The following LRMDA variants were observed in gnomAD, a reference collection of about 807,000 sequenced individuals.
The protein encoded by LRMDA is leucine rich melanocyte differentiation associated.
LRMDA carries 18 observed loss-of-function variants against 29.8 expected under a neutral mutation model. That is an observed-to-expected ratio of 0.60 (90% CI 0.42 to 0.90). The LOEUF is 0.90. Ranked by LOEUF, LRMDA falls within the 40% of genes least tolerant of loss-of-function variation. The probability of loss-of-function intolerance (pLI) is 0.00; values close to 1 mark genes in which losing one functional copy is unlikely to be tolerated. For synonymous variants in LRMDA, 125 were observed against 109.4 expected (o/e 1.14, Z -0.89); for missense variants, 273 against 273.9 (o/e 1.00, Z 0.02).
intron 2 of LRMDA, among the ~76,000 whole-genome samples, chr10:75,762,748 C>T (rs978878478): frequency 2.0e-5 from 3 of 152,176 alleles, no homozygotes; most frequent in African/African-American, 7.2e-5. Context: ...TTTAGAATCC[C>T]TGGCCTCATA....
At chr10:75,749,774 CG>C (rs1842931887) in intron 2 of LRMDA, among the ~76,000 whole-genome samples, 2 of 152,038 alleles carry the variant, frequency 1.3e-5, no homozygotes, top group Admixed American at 6.5e-5. Flanking sequence ...GAGGACCCTG[CG>C]GCCTTCCGCA....
chr10:75,832,667 C>A (rs1844365705), intron 2 of LRMDA, among the ~76,000 whole-genome samples: 1 of 152,166 alleles, frequency 6.6e-6, no homozygotes. Context: ...TGAGACTGGG[C>A]AACGTACAAA....
chr10:76,203,637 G>T (rs1053762512), intron 5 of LRMDA, among the ~76,000 whole-genome samples: 1 of 151,966 alleles, frequency 6.6e-6, no homozygotes, highest in Non-Finnish European at 1.5e-5. Context: ...TAGGGATTGT[G>T]CCACCCATCT....
At chr10:75,871,273 T>C (rs1416769601) in intron 2 of LRMDA, among the ~76,000 whole-genome samples, 1 of 152,154 alleles carries the variant, frequency 6.6e-6, no homozygotes, top group African/African-American at 2.4e-5. Context: ...GCTGATGGTG[T>C]CTCACAAGTT....
chr10:75,761,162 G>A (rs1381912883), intron 2 of LRMDA, among the ~76,000 whole-genome samples: 1 of 152,140 alleles, frequency 6.6e-6, no homozygotes, highest in Non-Finnish European at 1.5e-5. Flanking sequence ...ATTACCATGT[G>A]ATCCAGCAGT....
At chr10:75,545,512 G>A (rs1295652439) in intron 2 of LRMDA, among the ~76,000 whole-genome samples, 1 of 152,094 alleles carries the variant, frequency 6.6e-6, no homozygotes, top group African/African-American at 2.4e-5. Flanking sequence ...GATATCATAG[G>A]ACACTGTGGA....
intron 2 of LRMDA, among the ~76,000 whole-genome samples, chr10:75,537,821 T>C (rs2017112): frequency 0.085 from 12,896 of 152,216 alleles, 813 homozygotes; most frequent in East Asian, 0.3. Flanking sequence ...GTTCCATACT[T>C]CTCAAACATG....
chr10:75,886,666 A>G (rs1361355374), intron 2 of LRMDA, among the ~76,000 whole-genome samples: 2 of 152,168 alleles, frequency 1.3e-5, no homozygotes, highest in African/African-American at 4.8e-5. Context: ...TTGCATGGCT[A>G]TTTAACTCAC....
Position 75,764,046 on chromosome 10 carries a change from G to C in LRMDA, c.132-271962G>C, listed in dbSNP as rs114076923. On this transcript the variant is annotated intron_variant, in intron 2 of 6. Coordinates refer to ENST00000611255, the MANE Select transcript of LRMDA (RefSeq NM_001305581.2). ...TCAGGAACTGCTTGCCAGTGAATCT[G>C]GTCGCATGGAGACCCGGCTGAGGGT... Among the ~76,000 whole-genome samples, 240 of 152,214 alleles carry C rather than the reference G, an allele frequency of 1.6e-3. 1 individual carries two copies. The highest frequency in any genetic ancestry group is 5.3e-3 in the African/African-American group (221 of 41,534).
At chr10:75,657,458 C>T (rs985131537) in intron 2 of LRMDA, among the ~76,000 whole-genome samples, 2 of 152,270 alleles carry the variant, frequency 1.3e-5, no homozygotes, top group Admixed American at 1.3e-4. Flanking sequence ...GGGCCAGGTA[C>T]TAGAGAGCCA....
chr10:76,493,573 G>A (rs559123605), intron 6 of LRMDA, among the ~76,000 whole-genome samples: 9 of 152,172 alleles, frequency 5.9e-5, no homozygotes, highest in African/African-American at 1.9e-4. Flanking sequence ...ATTTCTAGAC[G>A]TTCTGTTTTC....
intron 2 of LRMDA, among the ~76,000 whole-genome samples, chr10:76,009,416 G>T (rs1333485176): frequency 2.0e-5 from 3 of 152,208 alleles, no homozygotes; most frequent in Non-Finnish European, 4.4e-5. Context: ...GCCAGGAATG[G>T]TGCAGAAAAG....
chr10:76,533,660 A>T (rs993068156), intron 6 of LRMDA, among the ~76,000 whole-genome samples: 5 of 152,164 alleles, frequency 3.3e-5, no homozygotes, highest in African/African-American at 9.7e-5. Flanking sequence ...TTACTTGCTT[A>T]TTATACTTTG....
intron 6 of LRMDA, among the ~76,000 whole-genome samples, chr10:76,489,832 ATG>A (rs1352783712): frequency 7.3e-5 from 11 of 150,312 alleles, no homozygotes; most frequent in Admixed American, 6.6e-5. Flanking sequence ...CCCCAATTAT[ATG>A]TATATATATA....
intron 5 of LRMDA, among the ~76,000 whole-genome samples, chr10:76,280,162 A>G (rs1462146636): frequency 6.6e-6 from 1 of 152,246 alleles, no homozygotes; most frequent in African/African-American, 2.4e-5. Flanking sequence ...AGAGGTATTT[A>G]TACTTTGATT....
chr10:76,347,681 A>C (rs1299715322), intron 6 of LRMDA, among the ~76,000 whole-genome samples: 3 of 152,170 alleles, frequency 2.0e-5, no homozygotes, highest in Non-Finnish European at 4.4e-5. Flanking sequence ...GGTGTTATAA[A>C]ACCCAAGGAA....
chr10:75,755,753 G>A (rs1264862578), intron 2 of LRMDA, among the ~76,000 whole-genome samples: 5 of 152,212 alleles, frequency 3.3e-5, no homozygotes, highest in Non-Finnish European at 7.3e-5. Flanking sequence ...TCGCGGCAGC[G>A]GCATCAAAAG....
chr10:76,486,691 T>G (rs1021710258), intron 6 of LRMDA, among the ~76,000 whole-genome samples: 5 of 151,866 alleles, frequency 3.3e-5, no homozygotes, highest in African/African-American at 1.2e-4. Flanking sequence ...GTGGGAATTT[T>G]AAAAAAGAGA....
At chr10:76,538,686 C>G (rs1843319871) in intron 6 of LRMDA, among the ~76,000 whole-genome samples, 1 of 151,688 alleles carries the variant, frequency 6.6e-6, no homozygotes, top group Admixed American at 6.6e-5. Context: ...TGTTACAACT[C>G]TGTATAATAT....
Sources: allele counts gnomAD v4.1 joint callset (sites outside exome capture counted in the v4.1 genomes callset), GRCh38; gene constraint gnomAD v4.1.1; transcripts MANE v1.5; gene names NCBI Gene and HGNC (gene_info 2026-07-23, HGNC 2026-07-21).